HAGH: variants seen among roughly 807,000 people sequenced by gnomAD.
HAGH encodes the protein hydroxyacylglutathione hydrolase, mitochondrial.
In HAGH, 29 loss-of-function variants were observed where a neutral mutation model predicts 35.1. The ratio of observed to expected loss-of-function variants is 0.83; its 90% CI spans 0.62 to 1.13. The LOEUF (loss-of-function observed/expected upper bound fraction) is 1.13. Ranked by LOEUF, HAGH falls within the 50% of genes most tolerant of loss-of-function variation. The probability of loss-of-function intolerance (pLI) is 0.00; values close to 1 mark genes in which losing one functional copy is unlikely to be tolerated. For synonymous variants in HAGH, 225 were observed against 176.1 expected (o/e 1.28, Z -2.20); for missense variants, 478 against 419.6 (o/e 1.14, Z -1.22).
At chr16:1,827,008 G>A, upstream of HAGH, 2 of 664,262 alleles carry the variant, frequency 3.0e-6, no homozygotes, top group Non-Finnish European at 4.7e-6. Context: ...GCGGCGGCCC[G>A]AGAGCTGCGC....
At position 1,809,785 on chromosome 16, in the gene HAGH, C is replaced by G; in HGVS notation, c.796G>C (p.Glu266Gln). The change falls in exon 8 of 9, where the codon GAG (glutamate) becomes CAG (glutamine). Residue 266 changes from glutamate to glutamine, a missense_variant. Coordinates refer to ENST00000397356, the MANE Select transcript of HAGH (RefSeq NM_005326.6). ...EPTVPSTLAE[E>Q]FTYNPFMRVR... is the part of the protein sequence containing the mutation. ...CTCATGAAGGGGTTGTAGGTAAACT[C>G]CTCTGCCAGGGTGGATGGCACTGTG... 1 of 1,613,980 alleles carries G rather than the reference C, an allele frequency of 6.2e-7. No individual in the cohort carries two copies. The highest frequency in any genetic ancestry group is 1.6e-4 in the Middle Eastern group (1 of 6,062).
rs1404694023 is a variant in HAGH, at chr16:1,808,233, G to C, written c.*1050C>G. 6.6e-6 allele frequency: 1 copy of C among 152,088 alleles called. No homozygotes were observed. The highest frequency in any genetic ancestry group is 2.4e-5 in the African/African-American group (1 of 41,394). 9.4% of individuals were successfully genotyped at this position (152,088 alleles called of 1,614,324 possible). On this transcript the variant is annotated 3_prime_UTR_variant, in exon 9 of 9. Coordinates refer to ENST00000397356, the MANE Select transcript of HAGH (RefSeq NM_005326.6). Reference sequence around the variant, plus strand: ...AGCGATCCTCCTGCCTCAGCCTCCTGAGTAGCTAGGACTACAGCTGCACAC... The same window carrying C: ...AGCGATCCTCCTGCCTCAGCCTCCTCAGTAGCTAGGACTACAGCTGCACAC...
At chr16:1,822,249 G>T in intron 3 of HAGH, 51 bp downstream of exon 3, 1 of 1,237,664 alleles carries the variant, frequency 8.1e-7, no homozygotes, top group South Asian at 1.2e-5. Flanking sequence ...AAACCCACCG[G>T]GGCGAGAAGT....
In HAGH at chr16:1,809,495, A is replaced by G. The variant is rs749037729; in HGVS notation, c.828-113T>C. 5 of 853,004 alleles carry G rather than the reference A, an allele frequency of 5.9e-6. No individual in the cohort carries two copies. The South Asian group carries it at 7.1e-5, about 12-fold the overall frequency. 52.8% of individuals were successfully genotyped at this position (853,004 alleles called of 1,614,324 possible). The stretch of plus-strand genomic sequence containing the variant: ...TGGCCGAGCCCAGCCCTCAGAGGAC[A>G]CGGAGGGCGGGGAGGCGGCAGCCAC... On this transcript the variant is annotated intron_variant, in intron 8 of 8. Coordinates refer to ENST00000397356, the MANE Select transcript of HAGH (RefSeq NM_005326.6).
At chr16:1,821,088 A>C (rs1243417477) in intron 3 of HAGH, among the ~76,000 whole-genome samples, 1 of 152,192 alleles carries the variant, frequency 6.6e-6, no homozygotes, top group East Asian at 1.9e-4. Flanking sequence ...TGGTGGCAGC[A>C]AGGGCCTCGC....
chr16:1,811,145 G>A (rs182219060), intron 7 of HAGH, among the ~76,000 whole-genome samples: 36 of 152,354 alleles, frequency 2.4e-4, no homozygotes, highest in Middle Eastern at 3.4e-3. Flanking sequence ...CGAGCGCAGT[G>A]GCTCACGCCT....
At chr16:1,821,557 C>G (rs1898147227) in intron 3 of HAGH, 1 of 152,246 alleles carries the variant, frequency 6.6e-6, no homozygotes, top group Non-Finnish European at 1.5e-5. Flanking sequence ...GCAATGCCAG[C>G]CCTAGAACCC....
At chr16:1,823,127 G>T in intron 1 of HAGH, 90 bp from the exon 2 acceptor site, 1 of 1,170,890 alleles carries the variant, frequency 8.5e-7, no homozygotes, top group South Asian at 1.3e-5. Context: ...GCCTTTCTAG[G>T]TTCCTTTGAA....
Position 1,819,903 on chromosome 16 carries a change from T to C in HAGH, c.426A>G (p.Thr142=), listed in dbSNP as rs778048310. 4 of 1,593,420 alleles carry C rather than the reference T, an allele frequency of 2.5e-6. No individual in the cohort carries two copies. Among genetic ancestry groups the C allele is most frequent in the Admixed American group, 3.3e-5 (2 of 59,952 alleles). ...TCCAGGGCTCACTCCTTACCTGCAG[T>C]GTGGACAGGTGAGTGATCTTGTGAG... ...ALTHKITHLS[T]LQVGSLNVKC... The change falls in exon 4 of 9, where the codon ACA becomes ACG. Residue 142 remains threonine, a synonymous_variant. Coordinates refer to ENST00000397356, the MANE Select transcript of HAGH (RefSeq NM_005326.6).
chr16:1,817,716 C>A (rs995213400), intron 5 of HAGH, among the ~76,000 whole-genome samples: 1 of 152,024 alleles, frequency 6.6e-6, no homozygotes, highest in African/African-American at 2.4e-5. Context: ...GCGGAAGATG[C>A]GGCCCACACC....
At chr16:1,818,864 G>T (rs543756394) in intron 5 of HAGH, 1 of 504,874 alleles carries the variant, frequency 2.0e-6, no homozygotes, top group East Asian at 3.4e-5. Context: ...GGACCCGCCC[G>T]GACCCCAGCT....
intron 1 of HAGH, among the ~76,000 whole-genome samples, chr16:1,826,049 C>T (rs1596947458): frequency 6.6e-6 from 1 of 152,350 alleles, no homozygotes; most frequent in Middle Eastern, 3.4e-3. Flanking sequence ...CTGAGGACCT[C>T]AAAATCCATG....
intron 3 of HAGH, chr16:1,822,015 C>T (rs1012057101): frequency 8.4e-6 from 3 of 355,872 alleles, no homozygotes; most frequent in Admixed American, 8.4e-5. Flanking sequence ...TTGAGGCCAA[C>T]GTGCCAGGGC....
Position 1,819,127 on chromosome 16 carries a change from C to G in HAGH, c.529G>C (p.Ala177Pro). 1 of 1,607,634 alleles carries G rather than the reference C, an allele frequency of 6.2e-7. No homozygotes were observed. The highest frequency in any genetic ancestry group is 8.5e-7 in the Non-Finnish European group (1 of 1,174,606). ...CTCGAACACGCACCTGTGAACACGG[C>G]AGGGGGCTCCGAGCCTCCGGGCTTG... ...VSKPGGSEPP[A>P]VFTGDTLFVA... Residue 177 changes from alanine (A) to proline (P), a missense_variant, in exon 5 of 9, where the codon GCC becomes CCC. Coordinates refer to ENST00000397356, the MANE Select transcript of HAGH (RefSeq NM_005326.6).
At position 1,817,275 on chromosome 16, in the gene HAGH, G is replaced by C; in HGVS notation, c.542-4C>G. ...CCAGCCACAAACAAGGTGTCACCTG[G>C]AAACAAGGACAGCCACGAGGTGGGG... On this transcript the variant is annotated splice_region_variant and splice_polypyrimidine_tract_variant and intron_variant, in intron 5 of 8. Transcript: ENST00000397356. 6.3e-7 allele frequency: 1 copy of C among 1,597,850 alleles called. No individual in the cohort carries two copies. The highest frequency in any genetic ancestry group is 8.6e-7 in the Non-Finnish European group (1 of 1,165,182).
intron 3 of HAGH, among the ~76,000 whole-genome samples, chr16:1,821,158 G>A (rs1266673157): frequency 6.6e-6 from 1 of 152,170 alleles, no homozygotes; most frequent in Non-Finnish European, 1.5e-5. Context: ...CAAGGGCCAG[G>A]GAGGCTGCAG....
At position 1,822,794 on chromosome 16, in the gene HAGH, G is replaced by C; in HGVS notation, c.249+71C>G. The C allele has an allele frequency of 3.0e-6, 4 of 1,338,960 alleles. No individual in the cohort carries two copies. In the East Asian group the frequency reaches 7.0e-5, roughly 23 times the overall value. The allele number at this position is 1,338,960 out of a possible 1,614,324, so 82.9% of individuals were successfully genotyped here. ...AAAGTTGCAAGGACACTGCGGTTAG[G>C]AAACCCATCGGGGGTGAGGACTCCG... On this transcript the variant is annotated intron_variant, in intron 2 of 8. Coordinates refer to ENST00000397356, the MANE Select transcript of HAGH (RefSeq NM_005326.6).
chr16:1,809,090 C>G lies in HAGH; in HGVS notation c.*193G>C, dbSNP rs1370397197. On this transcript the variant is annotated 3_prime_UTR_variant, in exon 9 of 9. Coordinates refer to ENST00000397356, the MANE Select transcript of HAGH (RefSeq NM_005326.6). ...GGCCTAAAGGCCAGAAGAAAACAGT[C>G]TGCAAGGGGAAGTTATGGGAATAAA... 1.8e-6 allele frequency: 1 copy of G among 550,224 alleles called. No homozygotes were observed. Among genetic ancestry groups the G allele is most frequent in the Non-Finnish European group, 3.2e-6 (1 of 308,028 alleles). 34.1% of individuals were successfully genotyped at this position (550,224 alleles called of 1,614,324 possible).
chr16:1,817,004 GA>G lies in HAGH; in HGVS notation c.646-11del. ...GGCCACAGTAGACTCTCTGAGGAGA[GA>G]GGTGACAGGTGAGCTCGGAAGGCTG... On this transcript the variant is annotated splice_polypyrimidine_tract_variant and intron_variant, in intron 6 of 8. Transcript: ENST00000397356. 3.8e-6 allele frequency: 6 copies of G among 1,584,204 alleles called. No homozygotes were observed. The highest frequency in any genetic ancestry group is 5.2e-6 in the Non-Finnish European group (6 of 1,152,676).
Sources: allele counts gnomAD v4.1 joint callset (sites outside exome capture counted in the v4.1 genomes callset), GRCh38; gene constraint gnomAD v4.1.1; transcripts MANE v1.5; gene names NCBI Gene and HGNC (gene_info 2026-07-23, HGNC 2026-07-21).